MAL2: variants seen among roughly 807,000 people sequenced by gnomAD.
The protein encoded by MAL2 is mal, T cell differentiation protein 2.
A neutral mutation model predicts 18.1 loss-of-function variants in MAL2; 17 were observed. That is an observed-to-expected ratio of 0.94 (90% CI 0.64 to 1.41). The LOEUF (loss-of-function observed/expected upper bound fraction) is 1.41. Among genes scored for constraint, MAL2 ranks in the 40% most tolerant of loss-of-function variants. The pLI is 0.00. For synonymous variants in MAL2, 102 were observed against 102.3 expected (o/e 1.00, Z 0.02); for missense variants, 222 against 231.9 (o/e 0.96, Z 0.28).
At chr8:119,242,204 A>G (rs557342971) in intron 3 of MAL2, among the ~76,000 whole-genome samples, 16 of 152,236 alleles carry the variant, frequency 1.1e-4, no homozygotes, top group African/African-American at 3.9e-4. Flanking sequence ...AGCTGCTGAA[A>G]TACGTGATGG....
At position 119,243,856 on chromosome 8, in the gene MAL2, C is replaced by G. The variant is rs946165183; in HGVS notation, c.*368C>G. On this transcript the variant is annotated 3_prime_UTR_variant, in exon 4 of 4. Transcript: ENST00000614891. ...CCTTAATTTTAATTGGTAATTACAG[C>G]CCCTAAAAAAAACACATTTCAAATA... 5 of 159,712 alleles carry G rather than the reference C, an allele frequency of 3.1e-5. No individual in the cohort carries two copies. The highest frequency in any genetic ancestry group is 6.8e-5 in the Non-Finnish European group (5 of 73,440). 9.9% of individuals were successfully genotyped at this position (159,712 alleles called of 1,614,324 possible). A position where few individuals can be genotyped will look rare whatever the true frequency, so the allele number is the denominator to read the frequency against.
At position 119,208,860 on chromosome 8, in the gene MAL2, G is replaced by T; in HGVS notation, c.132+256G>T. 2.6e-6 allele frequency: 1 copy of T among 380,760 alleles called. No individual in the cohort carries two copies. The highest frequency in any genetic ancestry group is 4.8e-5 in the East Asian group (1 of 20,760). The allele number at this position is 380,760 out of a possible 1,614,324, so 23.6% of individuals were successfully genotyped here. A position where few individuals can be genotyped will look rare whatever the true frequency, so the allele number is the denominator to read the frequency against. On this transcript the variant is annotated intron_variant, in intron 1 of 3. Transcript: ENST00000614891. The surrounding 1 kb of genome is among the most constrained non-coding windows in gnomAD (Gnocchi z 4.3). Reference sequence around the variant, plus strand: ...CTGGGGAGGGCGAGTAGGCGGCCCGGCAGGGCCGAACATTGGGGACGTGGA... The same window carrying T: ...CTGGGGAGGGCGAGTAGGCGGCCCGTCAGGGCCGAACATTGGGGACGTGGA...
intron 2 of MAL2, among the ~76,000 whole-genome samples, chr8:119,227,420 T>A (rs1311653760): frequency 1.3e-5 from 2 of 152,182 alleles, no homozygotes; most frequent in African/African-American, 4.8e-5. Context: ...CTACAAAGTC[T>A]TGACCAAATC....
chr8:119,241,637 A>T (rs1818050176), intron 3 of MAL2, among the ~76,000 whole-genome samples: 1 of 152,068 alleles, frequency 6.6e-6, no homozygotes, highest in South Asian at 2.1e-4. Context: ...TGATTTCAAG[A>T]CCTATTGTAA....
intron 2 of MAL2, among the ~76,000 whole-genome samples, chr8:119,236,830 A>G (rs1817910229): frequency 6.6e-6 from 1 of 151,526 alleles, no homozygotes; most frequent in Non-Finnish European, 1.5e-5. Flanking sequence ...AATGCCCACA[A>G]GAGAAAGCAG....
rs1291014739 is a variant in MAL2 at position 119,208,396 on chromosome 8, C to G, written c.-77C>G. The G allele has an allele frequency of 1.2e-6, 1 of 839,802 alleles. No individual in the cohort carries two copies. Among genetic ancestry groups the G allele is most frequent in the East Asian group, 1.0e-4 (1 of 9,934 alleles). The allele number at this position is 839,802 out of a possible 1,614,324, so 52.0% of individuals were successfully genotyped here. A position where few individuals can be genotyped will look rare whatever the true frequency, so the allele number is the denominator to read the frequency against. ...AGCCCGCGGAGCTGAGCGGCGGCGGCGGCGGCGGCAGGAGCCCGGGAGGCG... is the reference window on the plus strand; with the variant it reads ...AGCCCGCGGAGCTGAGCGGCGGCGGGGGCGGCGGCAGGAGCCCGGGAGGCG... On this transcript the variant is annotated 5_prime_UTR_variant, in exon 1 of 4. Transcript: ENST00000614891. The surrounding 1 kb of genome is among the most constrained non-coding windows in gnomAD (Gnocchi z 4.3).
chr8:119,240,873 G>T (rs1359766227), intron 3 of MAL2, among the ~76,000 whole-genome samples: 1 of 152,052 alleles, frequency 6.6e-6, no homozygotes, highest in African/African-American at 2.4e-5. Flanking sequence ...ATTCCTTGGG[G>T]TATTTATTAA....
At chr8:119,238,879 G>A (rs1293330245) in intron 2 of MAL2, among the ~76,000 whole-genome samples, 1 of 151,702 alleles carries the variant, frequency 6.6e-6, no homozygotes, top group Non-Finnish European at 1.5e-5. Flanking sequence ...AGGACTTCAT[G>A]TCTAAAACAC....
chr8:119,235,754 G>T (rs1236988687), intron 2 of MAL2, among the ~76,000 whole-genome samples: 2 of 147,936 alleles, frequency 1.4e-5, no homozygotes, highest in Admixed American at 1.3e-4. Flanking sequence ...GAGAGGTTTT[G>T]TCACCACCAG....
intron 2 of MAL2, among the ~76,000 whole-genome samples, chr8:119,236,966 G>C (rs1173209067): frequency 6.6e-6 from 1 of 150,812 alleles, no homozygotes; most frequent in Non-Finnish European, 1.5e-5. Context: ...AGGAAATAGA[G>C]ACACAAAAAA....
intron 2 of MAL2, among the ~76,000 whole-genome samples, chr8:119,227,966 A>G (rs1274719681): frequency 6.6e-6 from 1 of 151,160 alleles, no homozygotes; most frequent in African/African-American, 2.4e-5. Context: ...GCCCCTGGCA[A>G]CCACATCTGC....
intron 2 of MAL2, among the ~76,000 whole-genome samples, chr8:119,238,226 C>T (rs1274747901): frequency 6.6e-6 from 1 of 152,140 alleles, no homozygotes; most frequent in African/African-American, 2.4e-5. Context: ...ATCCAACTTA[C>T]AAGGGACATG....
chr8:119,218,716 A>G (rs1015896202), intron 1 of MAL2, among the ~76,000 whole-genome samples: 7 of 152,156 alleles, frequency 4.6e-5, no homozygotes, highest in Non-Finnish European at 1.0e-4. Flanking sequence ...GGTTTAGTAA[A>G]TGCTGTGTTG....
chr8:119,230,576 C>T (rs1303736343), intron 2 of MAL2, among the ~76,000 whole-genome samples: 5 of 152,020 alleles, frequency 3.3e-5, no homozygotes, highest in Non-Finnish European at 5.9e-5. Flanking sequence ...ATGTGGGTGA[C>T]ATTGAAAAAG....
rs138068703 is a variant in MAL2 at position 119,211,526 on chromosome 8, T to G, written c.132+2922T>G. On this transcript the variant is annotated intron_variant, in intron 1 of 3. Coordinates refer to ENST00000614891, the MANE Select transcript of MAL2 (RefSeq NM_052886.3). Reference sequence around the variant, plus strand: ...ACTAACCATTTAACTTGGCTCAAAGTATTCATTCCCAATTCCCCTTAACGT... The same window carrying G: ...ACTAACCATTTAACTTGGCTCAAAGGATTCATTCCCAATTCCCCTTAACGT... Among the ~76,000 whole-genome samples the G allele has an allele frequency of 1.9e-3, 290 of 152,268 alleles. 12 individuals are homozygous for G. The East Asian group carries it at 0.055, about 29-fold the overall frequency.
rs554374145 is a variant in MAL2 at position 119,225,882 on chromosome 8, A to C, written c.303+4125A>C. Among the ~76,000 whole-genome samples the C allele has an allele frequency of 6.4e-3, 977 of 152,088 alleles. 11 individuals are homozygous for C. The highest frequency in any genetic ancestry group is 0.022 in the African/African-American group (919 of 41,468). Reference sequence around the variant, plus strand: ...TCTCTGATGGTCAGTGATGGTGAGCATTTTTTCATGTGTCTGTTGGCTGCA... The same window carrying C: ...TCTCTGATGGTCAGTGATGGTGAGCCTTTTTTCATGTGTCTGTTGGCTGCA... On this transcript the variant is annotated intron_variant, in intron 2 of 3. Coordinates refer to ENST00000614891, the MANE Select transcript of MAL2 (RefSeq NM_052886.3).
chr8:119,240,059 TTTAA>T lies in MAL2; in HGVS notation c.304-101_304-98del, dbSNP rs1156594427. ...TTAACAGTGAATATAGTTAAGATTG[TTTAA>T]TTAAATGTTTTGATCTTGCTAAACC... On this transcript the variant is annotated intron_variant, in intron 2 of 3. Coordinates refer to ENST00000614891, the MANE Select transcript of MAL2 (RefSeq NM_052886.3). 9 of 1,190,134 alleles carry T rather than the reference TTTAA, an allele frequency of 7.6e-6. No individual in the cohort carries two copies. The African/African-American group carries it at 1.1e-4, about 14-fold the overall frequency. The allele number at this position is 1,190,134 out of a possible 1,614,324, so 73.7% of individuals were successfully genotyped here. A position where few individuals can be genotyped will look rare whatever the true frequency, so the allele number is the denominator to read the frequency against.
In MAL2 at chr8:119,208,729, T is replaced by G. The variant is rs1817225399; in HGVS notation, c.132+125T>G. The G allele has an allele frequency of 8.3e-7, 1 of 1,208,046 alleles. No individual in the cohort carries two copies. The highest frequency in any genetic ancestry group is 1.0e-6 in the Non-Finnish European group (1 of 971,304). 74.8% of individuals were successfully genotyped at this position (1,208,046 alleles called of 1,614,324 possible). A position where few individuals can be genotyped will look rare whatever the true frequency, so the allele number is the denominator to read the frequency against. On this transcript the variant is annotated intron_variant, in intron 1 of 3. Coordinates refer to ENST00000614891, the MANE Select transcript of MAL2 (RefSeq NM_052886.3). The surrounding 1 kb of genome is among the most constrained non-coding windows in gnomAD (Gnocchi z 4.3). ...CCTTCCCTTCGACGTGGCTTTGTCC[T>G]GCGCTCCCTCCCGGGGTCCTCTCGG...
intron 1 of MAL2, among the ~76,000 whole-genome samples, chr8:119,214,317 A>G (rs931819936): frequency 4.6e-5 from 7 of 152,354 alleles, no homozygotes; most frequent in Non-Finnish European, 1.0e-4. Context: ...GTAAACTGCC[A>G]TAATTCTTCT....
Sources: allele counts gnomAD v4.1 joint callset (sites outside exome capture counted in the v4.1 genomes callset), GRCh38; gene constraint gnomAD v4.1.1; non-coding constraint Gnocchi (gnomAD v3.1); transcripts MANE v1.5; gene names NCBI Gene and HGNC (gene_info 2026-07-23, HGNC 2026-07-21).